The following HBP1 variants were observed in gnomAD, a reference collection of about 807,000 sequenced individuals.
HBP1 encodes HMG-box transcription factor 1, also known as HMG box-containing protein 1.
HBP1 carries 20 observed loss-of-function variants against 62.6 expected under a neutral mutation model. That is an observed-to-expected ratio of 0.32 (90% CI 0.22 to 0.46). The LOEUF (loss-of-function observed/expected upper bound fraction) is 0.46. Among genes scored for constraint, HBP1 ranks in the 20% least tolerant of loss-of-function variants. The pLI, the probability that HBP1 is intolerant of heterozygous loss-of-function variation, is 1.00. For missense variants in HBP1, 480 were observed against 611.8 expected (o/e 0.78, Z 2.27); for synonymous variants, 232 against 206.2 (o/e 1.12, Z -1.07).
chr7:107,197,349 TAGTG>T (rs1455955377), intron 9 of HBP1, among the ~76,000 whole-genome samples: 1 of 152,100 alleles, frequency 6.6e-6, no homozygotes, highest in African/African-American at 2.4e-5. Context: ...AGTGTGTAAT[TAGTG>T]AGTCAAGAAT....
chr7:107,193,633 A>G (rs985967084), intron 8 of HBP1, among the ~76,000 whole-genome samples: 1 of 152,228 alleles, frequency 6.6e-6, no homozygotes, highest in African/African-American at 2.4e-5. Context: ...ATTTTCCATT[A>G]TTATGTTATT....
In HBP1 at chr7:107,201,400, T is replaced by TTTTA. The variant is rs747785547; in HGVS notation, c.1528-10_1528-7dup. 10 of 1,553,174 alleles carry TTTTA rather than the reference T, an allele frequency of 6.4e-6. No individual in the cohort carries two copies. The highest frequency in any genetic ancestry group is 4.5e-5 in the South Asian group (4 of 89,144). ...ATTTGTAAACATTCACTGAGTTTAATTTTATTTCCACAGGGCTCACAACAA... is the reference window on the plus strand; with the variant it reads ...ATTTGTAAACATTCACTGAGTTTAATTTTATTTATTTCCACAGGGCTCACAACAA... On this transcript the variant is annotated splice_polypyrimidine_tract_variant and intron_variant, in intron 10 of 10. Coordinates refer to ENST00000222574, the MANE Select transcript of HBP1 (RefSeq NM_012257.4).
chr7:107,181,560 T>A (rs1797108769), intron 2 of HBP1, among the ~76,000 whole-genome samples: 1 of 151,940 alleles, frequency 6.6e-6, no homozygotes, highest in African/African-American at 2.4e-5. Flanking sequence ...TTATACATAC[T>A]TTTATAGTGA....
chr7:107,197,948 A>T (rs1220520782), intron 9 of HBP1, among the ~76,000 whole-genome samples: 1 of 152,048 alleles, frequency 6.6e-6, no homozygotes, highest in African/African-American at 2.4e-5. Flanking sequence ...TACATGCTGC[A>T]TTTCTCTTTT....
intron 1 of HBP1, 76 bp from the exon 2 acceptor site, chr7:107,179,803 C>G (rs572081690): frequency 1.1e-6 from 1 of 872,528 alleles, no homozygotes; most frequent in South Asian, 2.0e-5. Context: ...TGTCATGTCT[C>G]TGATTTATTT....
Position 107,189,461 on chromosome 7 carries a change from T to G in HBP1, c.922+13T>G. 1 of 1,588,020 alleles carries G rather than the reference T, an allele frequency of 6.3e-7. No homozygotes were observed. The highest frequency in any genetic ancestry group is 8.6e-7 in the Non-Finnish European group (1 of 1,165,018). ...GTTAAAAATAAAGGTAGGGCTTGAA[T>G]TGCATTTGTAGTAACTTTTTTTAAA... On this transcript the variant is annotated intron_variant, in intron 7 of 10. Coordinates refer to ENST00000222574, the MANE Select transcript of HBP1 (RefSeq NM_012257.4).
chr7:107,182,627 T>C (rs565771708), intron 3 of HBP1, 26 bp downstream of exon 3: 1 of 1,220,958 alleles, frequency 8.2e-7, no homozygotes, highest in African/African-American at 1.5e-5. Flanking sequence ...ATATTTTTAT[T>C]GAAACATTCT....
At chr7:107,187,641 C>T (rs1797459130) in intron 6 of HBP1, among the ~76,000 whole-genome samples, 2 of 109,324 alleles carry the variant, frequency 1.8e-5, no homozygotes, top group Non-Finnish European at 4.8e-5. Flanking sequence ...CTTTACTCTT[C>T]ACTTTAGTGA....
At chr7:107,179,837 G>T (rs1797028127) in intron 1 of HBP1, 42 bp from the exon 2 acceptor site, 4 of 1,353,338 alleles carry the variant, frequency 3.0e-6, no homozygotes, top group Non-Finnish European at 4.1e-6. Context: ...TGCCCAAATT[G>T]CATGGCTTGA....
rs940888457 is a variant in HBP1, at chr7:107,190,028, T to C, written c.923-145T>C. On this transcript the variant is annotated intron_variant, in intron 7 of 10. Coordinates refer to ENST00000222574, the MANE Select transcript of HBP1 (RefSeq NM_012257.4). ...AGGAAATACTTATCTAGTACTTTAT[T>C]GTAAAGATACATGACTTGTGTTAGA... 4 of 593,734 alleles carry C rather than the reference T, an allele frequency of 6.7e-6. No homozygotes were observed. The African/African-American group carries it at 7.7e-5, about 11-fold the overall frequency. 36.8% of individuals were successfully genotyped at this position (593,734 alleles called of 1,614,324 possible).
In HBP1 at chr7:107,196,057, C is replaced by A; in HGVS notation, c.1291C>A (p.Pro431Thr). The A allele has an allele frequency of 6.2e-7, 1 of 1,613,202 alleles. No homozygotes were observed. Among genetic ancestry groups the A allele is most frequent in the Admixed American group, 1.7e-5 (1 of 60,008 alleles). Residue 431 changes from proline to threonine, a missense_variant, in exon 9 of 11, where the codon CCT becomes ACT. Physicochemically the swap from Pro to Thr is conservative, Grantham distance 38. Around this residue, in one of 4 missense-constraint regions of HBP1, gnomAD observed 66 missense variants for 56.4 expected, o/e 1.17. Coordinates refer to ENST00000222574, the MANE Select transcript of HBP1 (RefSeq NM_012257.4). The stretch of plus-strand genomic sequence containing the variant: ...CTCAGGGACTGTGAGTGCCACTTCT[C>A]CTAATAAGTGCAAAAGACCAATGAA... ...HSSGTVSATS[P>T]NKCKRPMNAF...
chr7:107,179,781 AC>A (rs773742223), intron 1 of HBP1, 97 bp from the exon 2 acceptor site: 153 of 764,846 alleles, frequency 2.0e-4, no homozygotes, highest in Non-Finnish European at 2.8e-4. Flanking sequence ...CAAAAAAAAA[AC>A]AAAACAACAT....
At chr7:107,177,402 G>C (rs1796902634) in intron 1 of HBP1, among the ~76,000 whole-genome samples, 1 of 152,198 alleles carries the variant, frequency 6.6e-6, no homozygotes, top group Non-Finnish European at 1.5e-5. Flanking sequence ...GGTTATTTTT[G>C]AGGGATATAG....
At chr7:107,201,257 A>G (rs1248739393) in intron 10 of HBP1, 157 bp from the exon 11 acceptor site, 7 of 475,894 alleles carry the variant, frequency 1.5e-5, no homozygotes, top group Non-Finnish European at 2.7e-5. Context: ...TGGATGCTTG[A>G]GCCATCAGAT....
rs1562888464 is a variant in HBP1, at chr7:107,180,090, A to G, written c.169+28A>G. ...AAGCAAAATTAAAAGTTATATAGAA[A>G]TCTCACTAAGATTCAGATAAATTTT... is the stretch of plus-strand genomic sequence containing the variant. On this transcript the variant is annotated intron_variant, in intron 2 of 10. Transcript: ENST00000222574. 3.5e-6 allele frequency: 5 copies of G among 1,412,754 alleles called. No individual in the cohort carries two copies. In the South Asian group the frequency reaches 4.1e-5, roughly 12 times the overall value. The allele number at this position is 1,412,754 out of a possible 1,614,324, so 87.5% of individuals were successfully genotyped here.
In HBP1 at chr7:107,169,873, C is replaced by G. The variant is rs1214379367; in HGVS notation, c.-16+688C>G. ...GGTGGGGGATGGACTTGGCGTGAAC[C>G]GGGAGGCACCGCTCTGTGTGACCCA... On this transcript the variant is annotated intron_variant, in intron 1 of 10. Coordinates refer to ENST00000222574, the MANE Select transcript of HBP1 (RefSeq NM_012257.4). The G allele has an allele frequency of 4.1e-6, 4 of 985,356 alleles. No individual in the cohort carries two copies. In the African/African-American group the frequency reaches 5.2e-5, roughly 13 times the overall value. 61.0% of individuals were successfully genotyped at this position (985,356 alleles called of 1,614,324 possible).
intron 4 of HBP1, 49 bp from the exon 5 acceptor site, chr7:107,186,311 AG>A (rs1248254298): frequency 9.3e-7 from 1 of 1,076,092 alleles, no homozygotes; most frequent in South Asian, 1.3e-5. Context: ...AGATATTAAA[AG>A]GTATATTTTA....
chr7:107,201,068 T>C (rs1235372898), intron 10 of HBP1: 2 of 194,790 alleles, frequency 1.0e-5, no homozygotes, highest in Non-Finnish European at 2.1e-5. Context: ...ATGCAGGTCA[T>C]ATCTGTTTAA....
chr7:107,186,832 G>A (rs1797400309), intron 6 of HBP1, 151 bp downstream of exon 6: 1 of 612,110 alleles, frequency 1.6e-6, no homozygotes, highest in African/African-American at 1.9e-5. Flanking sequence ...TCATTGCTTA[G>A]TCTGATGGGG....
Sources: allele counts gnomAD v4.1 joint callset (sites outside exome capture counted in the v4.1 genomes callset), GRCh38; gene constraint gnomAD v4.1.1; regional missense constraint gnomAD v4.1.1; transcripts MANE v1.5; gene names NCBI Gene and HGNC (gene_info 2026-07-23, HGNC 2026-07-21).